Variants in KLHL1 observed in about 807,000 individuals in gnomAD.
KLHL1 encodes kelch like family member 1.
Under a neutral mutation model 77.7 loss-of-function variants are expected in KLHL1, and 47 were observed. The observed-to-expected ratio is 0.60, with a 90% CI of 0.48 to 0.77. The LOEUF (loss-of-function observed/expected upper bound fraction) is 0.77, where lower values mean the gene tolerates loss of function less well. Ranked by LOEUF, KLHL1 falls within the 30% of genes least tolerant of loss-of-function variation. The pLI, the probability that KLHL1 is intolerant of heterozygous loss-of-function variation, is 0.00. For missense variants in KLHL1, 925 were observed against 910.8 expected (o/e 1.02, Z -0.20); for synonymous variants, 360 against 325.2 (o/e 1.11, Z -1.15).
intron 1 of KLHL1, among the ~76,000 whole-genome samples, chr13:70,072,955 A>G (rs1197255566): frequency 1.3e-5 from 2 of 152,104 alleles, no homozygotes; most frequent in Non-Finnish European, 2.9e-5. Context: ...TAGCTAATGA[A>G]ATAAGAGAAG....
At position 69,705,445 on chromosome 13, in the gene KLHL1, G is replaced by A. The variant is rs1010207986; in HGVS notation, c.2187+2180C>T. ...ATATTTGGATATTTTAATATAGTTT[G>A]CTTATTTAATAATCAGCCATTTGTG... is the stretch of plus-strand genomic sequence containing the variant. On this transcript the variant is annotated intron_variant, in intron 10 of 10. Coordinates refer to ENST00000377844, the MANE Select transcript of KLHL1 (RefSeq NM_020866.3). 9.9e-5 allele frequency among the ~76,000 whole-genome samples: 15 copies of A among 151,428 alleles called. 1 individual carries two copies. The Admixed American group carries it at 9.9e-4, about 10-fold the overall frequency.
At chr13:70,002,442 C>T (rs1357345817) in intron 1 of KLHL1, among the ~76,000 whole-genome samples, 1 of 151,284 alleles carries the variant, frequency 6.6e-6, no homozygotes, top group Non-Finnish European at 1.5e-5. Flanking sequence ...TTTAAATGAA[C>T]GGAGCCTCAA....
chr13:70,055,696 AAC>A (rs1452351122), intron 1 of KLHL1, among the ~76,000 whole-genome samples: 1 of 152,110 alleles, frequency 6.6e-6, no homozygotes, highest in African/African-American at 2.4e-5. Context: ...TAGAGTTTTT[AAC>A]AGTTTTCTCT....
chr13:70,081,850 G>A (rs1566560106), intron 1 of KLHL1, among the ~76,000 whole-genome samples: 1 of 152,136 alleles, frequency 6.6e-6, no homozygotes, highest in Non-Finnish European at 1.5e-5. Context: ...CGGGTTTGTG[G>A]TAATTTGTTA....
chr13:70,047,171 A>G (rs1886521440), intron 1 of KLHL1, among the ~76,000 whole-genome samples: 1 of 152,098 alleles, frequency 6.6e-6, no homozygotes, highest in Non-Finnish European at 1.5e-5. Context: ...GCCTACATTG[A>G]ATCTTTTCAT....
chr13:69,845,187 A>G (rs1879411452), intron 5 of KLHL1, among the ~76,000 whole-genome samples: 1 of 151,682 alleles, frequency 6.6e-6, no homozygotes, highest in Admixed American at 6.6e-5. Flanking sequence ...TCTTCTTGTG[A>G]CTTTTTTCTA....
At chr13:69,765,531 T>C (rs947760354) in intron 7 of KLHL1, among the ~76,000 whole-genome samples, 21 of 152,146 alleles carry the variant, frequency 1.4e-4, no homozygotes, top group African/African-American at 4.1e-4. Flanking sequence ...AAAACTCTTA[T>C]CTTTAATTCC....
intron 1 of KLHL1, among the ~76,000 whole-genome samples, chr13:70,100,649 A>G (rs958524814): frequency 1.1e-4 from 17 of 152,250 alleles, no homozygotes; most frequent in African/African-American, 4.1e-4. Flanking sequence ...TTTTGCTTAT[A>G]TTTATATTTC....
intron 5 of KLHL1, among the ~76,000 whole-genome samples, chr13:69,866,414 T>C (rs74092621): frequency 0.11 from 16,408 of 152,076 alleles, 1,916 homozygotes; most frequent in African/African-American, 0.29. Context: ...GATCATTTAC[T>C]CTAAATGAAA....
At chr13:69,837,642 ATGTGT>A (rs1566308962) in intron 6 of KLHL1, among the ~76,000 whole-genome samples, 1 of 135,248 alleles carries the variant, frequency 7.4e-6, no homozygotes, top group African/African-American at 3.1e-5. Flanking sequence ...ATATATATAT[ATGTGT>A]ATATATATAT....
intron 9 of KLHL1, 24 bp from the exon 10 acceptor site, chr13:69,707,820 A>C (rs180725391): frequency 1.9e-6 from 3 of 1,588,674 alleles, no homozygotes; most frequent in Non-Finnish European, 1.7e-6. Flanking sequence ...ACAATAGTAC[A>C]TAACATATTC....
At chr13:69,873,164 C>G (rs892152689) in intron 5 of KLHL1, among the ~76,000 whole-genome samples, 2 of 152,128 alleles carry the variant, frequency 1.3e-5, no homozygotes, top group South Asian at 2.1e-4. Context: ...AATATACTTT[C>G]CATGATCAAA....
intron 4 of KLHL1, among the ~76,000 whole-genome samples, chr13:69,934,119 T>C (rs1039175407): frequency 2.0e-4 from 31 of 152,132 alleles, no homozygotes; most frequent in African/African-American, 7.5e-4. Context: ...GCAGGGATTT[T>C]GAAAGGAGTA....
At chr13:70,029,612 A>G (rs1446383688) in intron 1 of KLHL1, among the ~76,000 whole-genome samples, 2 of 152,164 alleles carry the variant, frequency 1.3e-5, no homozygotes, top group Admixed American at 6.5e-5. Context: ...AGCACTAAAC[A>G]TGGAAAGGAA....
chr13:69,855,673 T>C lies in KLHL1; in HGVS notation c.1228-16511A>G, dbSNP rs142453738. On this transcript the variant is annotated intron_variant, in intron 5 of 10. Coordinates refer to ENST00000377844, the MANE Select transcript of KLHL1 (RefSeq NM_020866.3). ...GCCGCCTCGTAAAGAAGGTCCCTGC[T>C]TCCCCTTCCCCTTCCGCCGTGATTG... Among the ~76,000 whole-genome samples the C allele has an allele frequency of 1.3e-3, 198 of 151,674 alleles. No individual in the cohort carries two copies. In the Middle Eastern group the frequency reaches 0.028, roughly 21 times the overall value.
chr13:69,841,729 A>T (rs956670999), intron 5 of KLHL1, among the ~76,000 whole-genome samples: 3 of 151,784 alleles, frequency 2.0e-5, no homozygotes, highest in African/African-American at 7.2e-5. Flanking sequence ...ATAAAACATC[A>T]AACCAAAAAA....
chr13:70,027,649 G>GTTTTTTTTTTTTTTTTTTTTTTTT lies in KLHL1; in HGVS notation c.498-51848_498-51847insAAAAAAAAAAAAAAAAAAAAAAAA, dbSNP rs1185282462. ...GGCATTTTTGAAGCGCAAAATGTAA[G>GTTTTTTTTTTTTTTTTTTTTTTTT]TTGTTTTTTTTTTTTTATGAACTGA... is the stretch of plus-strand genomic sequence containing the variant. On this transcript the variant is annotated intron_variant, in intron 1 of 10. Transcript: ENST00000377844. Among the ~76,000 whole-genome samples, 4 of 109,336 alleles carry GTTTTTTTTTTTTTTTTTTTTTTTT rather than the reference G, an allele frequency of 3.7e-5. 2 individuals are homozygous for GTTTTTTTTTTTTTTTTTTTTTTTT. The highest frequency in any genetic ancestry group is 8.0e-5 in the African/African-American group (2 of 24,860). The allele number at this position is 109,336 out of a possible 152,430, so 71.7% of individuals were successfully genotyped here.
At chr13:70,028,116 A>T (rs7984190) in intron 1 of KLHL1, among the ~76,000 whole-genome samples, 128,541 of 152,138 alleles carry the variant, frequency 0.84, 54,828 homozygotes, top group East Asian at 0.92. Flanking sequence ...GGGGTAGGAA[A>T]TAATCCAGAA....
rs149425994 is a variant in KLHL1, at chr13:69,870,442, T to C, written c.1227+11841A>G. Among the ~76,000 whole-genome samples, 892 of 151,600 alleles carry C rather than the reference T, an allele frequency of 5.9e-3. 7 individuals are homozygous for C. The highest frequency in any genetic ancestry group is 0.018 in the African/African-American group (754 of 41,472). ...ATTGGGTAGCAAATTTCAACATGAGTTTTTGGGGGACAAACATCCAAACCA... is the reference window on the plus strand; with the variant it reads ...ATTGGGTAGCAAATTTCAACATGAGCTTTTGGGGGACAAACATCCAAACCA... On this transcript the variant is annotated intron_variant, in intron 5 of 10. Coordinates refer to ENST00000377844, the MANE Select transcript of KLHL1 (RefSeq NM_020866.3).
Sources: allele counts gnomAD v4.1 joint callset (sites outside exome capture counted in the v4.1 genomes callset), GRCh38; gene constraint gnomAD v4.1.1; transcripts MANE v1.5; gene names NCBI Gene and HGNC (gene_info 2026-07-23, HGNC 2026-07-21).